Variants in PZP observed in about 807,000 individuals in gnomAD.
PZP encodes PZP alpha-2-macroglobulin like.
PZP carries 150 observed loss-of-function variants against 179.8 expected under a neutral mutation model. That is an observed-to-expected ratio of 0.83 (90% CI 0.73 to 0.96). PZP has a LOEUF of 0.96. Among genes scored for constraint, PZP ranks in the 40% least tolerant of loss-of-function variants. PZP has a pLI of 0.00. For synonymous variants in PZP, 624 were observed against 652.3 expected (o/e 0.96, Z 0.66); for missense variants, 1,689 against 1,764.0 (o/e 0.96, Z 0.76).
intron 1 of PZP, among the ~76,000 whole-genome samples, chr12:9,206,884 A>G (rs951221152): frequency 2.0e-5 from 3 of 152,192 alleles, no homozygotes; most frequent in African/African-American, 7.2e-5. Context: ...CTGACCCAAT[A>G]CACGCTACTC....
chr12:9,195,845 A>G (rs566906857), intron 10 of PZP, among the ~76,000 whole-genome samples: 175 of 148,332 alleles, frequency 1.2e-3, no homozygotes, highest in South Asian at 7.3e-3. Context: ...TTGTTAAAAT[A>G]TATAAGTTAA....
At chr12:9,152,511 G>A (rs948396909) in intron 31 of PZP, among the ~76,000 whole-genome samples, 1 of 152,174 alleles carries the variant, frequency 6.6e-6, no homozygotes, top group Non-Finnish European at 1.5e-5. Context: ...TAAAATTACA[G>A]ATGTTTAAGC....
At chr12:9,168,681 T>TA (rs887940266) in intron 17 of PZP, 188 bp downstream of exon 17, 279 of 491,312 alleles carry the variant, frequency 5.7e-4, no homozygotes, top group African/African-American at 2.6e-3. Context: ...CGGATGTATC[T>TA]AAAAAAAAAT....
At position 9,163,994 on chromosome 12, in the gene PZP, T is replaced by C. The variant is rs1464059252; in HGVS notation, c.2614+139A>G. The stretch of plus-strand genomic sequence containing the variant: ...GGGTGAGAACAGTGGGAGGAGGTCA[T>C]AGTGGATAGAAATAGGAAAAAAAAC... On this transcript the variant is annotated intron_variant, in intron 20 of 35. Coordinates refer to ENST00000261336, the MANE Select transcript of PZP (RefSeq NM_002864.3). 10 of 1,262,932 alleles carry C rather than the reference T, an allele frequency of 7.9e-6. No homozygotes were observed. The African/African-American group carries it at 9.1e-5, about 11-fold the overall frequency. The allele number at this position is 1,262,932 out of a possible 1,614,324, so 78.2% of individuals were successfully genotyped here. A position where few individuals can be genotyped will look rare whatever the true frequency, so the allele number is the denominator to read the frequency against.
intron 12 of PZP, 99 bp downstream of exon 12, chr12:9,192,413 G>A: frequency 3.1e-6 from 4 of 1,288,678 alleles, no homozygotes; most frequent in Non-Finnish European, 4.5e-6. Context: ...AGAACACAAG[G>A]TGGCTGTGTG....
intron 13 of PZP, among the ~76,000 whole-genome samples, chr12:9,191,127 C>T (rs1342940130): frequency 6.6e-6 from 1 of 151,904 alleles, no homozygotes; most frequent in Non-Finnish European, 1.5e-5. Context: ...ATAACTAGTC[C>T]TCATTTTACT....
At chr12:9,169,681 A>G (rs1941846939) in intron 15 of PZP, 90 bp from the exon 16 acceptor site, 3 of 1,264,556 alleles carry the variant, frequency 2.4e-6, no homozygotes, top group Non-Finnish European at 2.1e-6. Flanking sequence ...ATTATCACCA[A>G]TCTTTTCTTG....
intron 22 of PZP, among the ~76,000 whole-genome samples, chr12:9,161,873 T>A (rs1316020042): frequency 6.6e-6 from 1 of 152,184 alleles, no homozygotes; most frequent in Non-Finnish European, 1.5e-5. Flanking sequence ...TAGGAAATGC[T>A]ATATGTTTTG....
At chr12:9,168,640 G>T in intron 17 of PZP, 1 of 433,448 alleles carries the variant, frequency 2.3e-6, no homozygotes, top group Non-Finnish European at 4.1e-6. Context: ...TCAGAATCTT[G>T]TATTTTATCT....
the PZP span, among the ~76,000 whole-genome samples, chr12:9,140,410 A>G: frequency 6.6e-6 from 1 of 152,172 alleles, no homozygotes; most frequent in African/African-American, 2.4e-5. Context: ...ATTGGTTGAG[A>G]TAGAAGCAAC....
In PZP at chr12:9,163,735, CCA is replaced by C. The variant is rs1357225876; in HGVS notation, c.2667_2668del (p.Cys889TrpfsTer3). The C allele has an allele frequency of 6.8e-6, 11 of 1,613,908 alleles. No homozygotes were observed. The highest frequency in any genetic ancestry group is 9.3e-6 in the Non-Finnish European group (11 of 1,179,854). ...CTCAGGGACCTCAACAACCTCATTT[CCA>C]CAGAGTTCTAAGGACTGCATTGCCT... On this transcript the variant is annotated frameshift_variant, in exon 21 of 36. Coordinates refer to ENST00000261336, the MANE Select transcript of PZP (RefSeq NM_002864.3). LOFTEE classifies it high-confidence loss of function.
chr12:9,168,398 T>A (rs2120794644), intron 17 of PZP: 1 of 152,804 alleles, frequency 6.5e-6, no homozygotes, highest in Admixed American at 6.5e-5. Context: ...ATGGGACAGA[T>A]GTTTTAATAA....
At chr12:9,192,361 A>G in intron 12 of PZP, 105 bp from the exon 13 acceptor site, 1 of 1,314,674 alleles carries the variant, frequency 7.6e-7, no homozygotes, top group Non-Finnish European at 1.1e-6. Flanking sequence ...TGCTGGAGAG[A>G]ATCAACCTCA....
chr12:9,169,069 CTTATA>C, intron 16 of PZP, 95 bp from the exon 17 acceptor site: 1 of 854,560 alleles, frequency 1.2e-6, no homozygotes. Flanking sequence ...TTCCAGTATC[CTTATA>C]TTAATTCTAT....
At position 9,158,560 on chromosome 12, in the gene PZP, G is replaced by C. The variant is rs765063458; in HGVS notation, c.3154C>G (p.Leu1052Val). 8 of 1,614,094 alleles carry C rather than the reference G, an allele frequency of 5.0e-6. No homozygotes were observed. The South Asian group carries it at 8.8e-5, about 18-fold the overall frequency. The change falls in exon 26 of 36, where the codon CTG (leucine) becomes GTG (valine). Residue 1052 changes from leucine to valine, a missense_variant. Physicochemically the swap from Leu to Val is conservative, Grantham distance 32. Transcript: ENST00000261336. ...QGNTWLTAFV[L>V]KTFAQARSYI... ...GATCGAGCCTGGGCGAAAGTCTTCA[G>C]TACAAAAGCTGTGAGCCTAGGGGGA...
chr12:9,165,987 T>A lies in PZP; in HGVS notation c.2258+65A>T, dbSNP rs201168707. On this transcript the variant is annotated intron_variant, in intron 18 of 35. Coordinates refer to ENST00000261336, the MANE Select transcript of PZP (RefSeq NM_002864.3). ...ACTTTTCAGGAAGATTGTCTTAGAA[T>A]TGAAAATGTTGGAGGAACCACATTC... is the stretch of plus-strand genomic sequence containing the variant. The A allele has an allele frequency of 1.4e-3, 2,207 of 1,525,328 alleles. 6 individuals carry two copies. The highest frequency in any genetic ancestry group is 2.6e-3 in the Admixed American group (116 of 44,984). 94.5% of individuals were successfully genotyped at this position (1,525,328 alleles called of 1,614,324 possible). A position where few individuals can be genotyped will look rare whatever the true frequency, so the allele number is the denominator to read the frequency against.
intron 25 of PZP, among the ~76,000 whole-genome samples, 153 bp downstream of exon 25, chr12:9,159,785 G>T (rs1218668915): frequency 6.6e-6 from 1 of 151,396 alleles, no homozygotes; most frequent in African/African-American, 2.4e-5. Flanking sequence ...TGACTTATCA[G>T]CCTTCATAGC....
At chr12:9,202,727 C>T (rs1413172260) in intron 2 of PZP, 43 bp from the exon 3 acceptor site, 3 of 1,563,156 alleles carry the variant, frequency 1.9e-6, no homozygotes, top group African/African-American at 2.7e-5. Context: ...ACTGTGCAGT[C>T]TTCTCCCTCT....
chr12:9,151,198 C>G (rs982741923), intron 33 of PZP, among the ~76,000 whole-genome samples: 1 of 152,132 alleles, frequency 6.6e-6, no homozygotes, highest in African/African-American at 2.4e-5. Context: ...TAGGCAACCA[C>G]TGGGGTCATA....
Sources: gnomAD v4.1 joint callset for allele counts (sites outside exome capture counted in the v4.1 genomes callset) on GRCh38, gnomAD v4.1.1 for gene constraint, MANE v1.5 for transcripts, NCBI Gene and HGNC (gene_info 2026-07-23, HGNC 2026-07-21) for gene names.